SLC39A10: variants seen among roughly 807,000 people sequenced by gnomAD.
SLC39A10 encodes the protein zinc transporter ZIP10.
In SLC39A10, 13 loss-of-function variants were observed where a neutral mutation model predicts 65.1. The observed-to-expected ratio is 0.20, with a 90% confidence interval of 0.13 to 0.32. The LOEUF (loss-of-function observed/expected upper bound fraction) is 0.32. Ranked by LOEUF, SLC39A10 falls within the 10% of genes least tolerant of loss-of-function variation. The pLI is 1.00. For missense variants in SLC39A10, 831 were observed against 1,018.4 expected, an observed-to-expected ratio of 0.82 and a Z score of 2.50; for synonymous variants, 321 against 342.2, an observed-to-expected ratio of 0.94 and a Z score of 0.68.
chr2:195,715,780 AT>A (rs1691785722), intron 6 of SLC39A10, among the ~76,000 whole-genome samples: 1 of 152,248 alleles, frequency 6.6e-6, no homozygotes, highest in South Asian at 2.1e-4. Flanking sequence ...AGAAAAACTT[AT>A]CTATTTGTGT....
chr2:195,714,093 AT>A (rs1276308018), intron 6 of SLC39A10, among the ~76,000 whole-genome samples: 1 of 151,892 alleles, frequency 6.6e-6, no homozygotes, highest in African/African-American at 2.4e-5. Flanking sequence ...CGCCTGGCTA[AT>A]TTTTTTCTTT....
At chr2:195,625,187 A>C (rs1688441418) in intron 2 of SLC39A10, among the ~76,000 whole-genome samples, 1 of 126,188 alleles carries the variant, frequency 7.9e-6, no homozygotes, top group African/African-American at 2.8e-5. Flanking sequence ...ATTGCACTCC[A>C]GCCTGTGCGA....
At chr2:195,681,608 A>G (rs2105772458) in intron 2 of SLC39A10, among the ~76,000 whole-genome samples, 1 of 152,338 alleles carries the variant, frequency 6.6e-6, no homozygotes, top group African/African-American at 2.4e-5. Flanking sequence ...TGGTTTCCTC[A>G]AATCCAAACG....
At chr2:195,672,700 T>C (rs1179331489) in intron 1 of SLC39A10, among the ~76,000 whole-genome samples, 4 of 152,220 alleles carry the variant, frequency 2.6e-5, no homozygotes, top group Non-Finnish European at 4.4e-5. Context: ...CTACAGCTTT[T>C]GTGTTTCGTG....
chr2:195,657,046 T>C (rs1279624537), upstream of SLC39A10: 2 of 152,304 alleles, frequency 1.3e-5, no homozygotes, highest in African/African-American at 2.4e-5. Flanking sequence ...ACTGGCGTTA[T>C]CCGAAGTGAA....
At chr2:195,721,071 A>T (rs141546201) in intron 8 of SLC39A10, among the ~76,000 whole-genome samples, 2 of 152,040 alleles carry the variant, frequency 1.3e-5, no homozygotes, top group Non-Finnish European at 2.9e-5. Context: ...CCTCCTGAGT[A>T]GCTGGGACTA....
intron 9 of SLC39A10, among the ~76,000 whole-genome samples, chr2:195,732,188 G>A (rs1445058498): frequency 6.6e-6 from 1 of 152,178 alleles, no homozygotes; most frequent in African/African-American, 2.4e-5. Flanking sequence ...GTAAACTTTG[G>A]AGAGCCATGA....
At chr2:195,734,795 C>T (rs2105854604) in intron 9 of SLC39A10, 88 bp from the exon 10 acceptor site, 1 of 1,290,994 alleles carries the variant, frequency 7.7e-7, no homozygotes, top group Non-Finnish European at 1.1e-6. Context: ...ACTTCAGTCA[C>T]TAATTTTCTT....
rs558497680 is a variant in SLC39A10, at chr2:195,672,472, A to G, written c.-11-7560A>G. Among the ~76,000 whole-genome samples, 7 of 152,278 alleles carry G rather than the reference A, an allele frequency of 4.6e-5. No individual in the cohort carries two copies. The South Asian group carries it at 1.5e-3, about 32-fold the overall frequency. ...AGCATACATCTGCTATAGTAGTTCTAAACTAAAGTTGCAAAGTTAGTGAAT... is the reference window on the plus strand; with the variant it reads ...AGCATACATCTGCTATAGTAGTTCTGAACTAAAGTTGCAAAGTTAGTGAAT... On this transcript the variant is annotated intron_variant, in intron 1 of 9. Transcript: ENST00000359634.
At chr2:195,697,314 T>A (rs981798063) in intron 3 of SLC39A10, among the ~76,000 whole-genome samples, 4 of 152,202 alleles carry the variant, frequency 2.6e-5, no homozygotes, top group African/African-American at 9.6e-5. Context: ...TAGAACTAAT[T>A]TCTGCAGATA....
intron 5 of SLC39A10, among the ~76,000 whole-genome samples, chr2:195,710,818 T>C (rs535992997): frequency 1.9e-4 from 29 of 152,248 alleles, no homozygotes; most frequent in African/African-American, 6.7e-4. Context: ...AGTATTTAGA[T>C]TTTGAAGGGG....
intron 8 of SLC39A10, among the ~76,000 whole-genome samples, chr2:195,722,520 A>G (rs758844673): frequency 2.0e-5 from 3 of 152,246 alleles, no homozygotes; most frequent in Non-Finnish European, 2.9e-5. Flanking sequence ...CAATAGGACC[A>G]GGTCAGTGTC....
chr2:195,706,502 C>A, intron 3 of SLC39A10, 114 bp from the exon 4 acceptor site: 1 of 944,464 alleles, frequency 1.1e-6, no homozygotes, highest in Non-Finnish European at 1.5e-6. Context: ...CTTTCATAAT[C>A]TGGGTAAAAT....
At position 195,706,599 on chromosome 2, in the gene SLC39A10, TA is replaced by T. The variant is rs761582721; in HGVS notation, c.1217-15del. 1 of 1,606,730 alleles carries T rather than the reference TA, an allele frequency of 6.2e-7. No individual in the cohort carries two copies. The highest frequency in any genetic ancestry group is 8.5e-7 in the Non-Finnish European group (1 of 1,176,492). ...AAATTGTTATACTAATGTTGACTCT[TA>T]ATTTCTTTTCTACAGCCTGGATTTG... On this transcript the variant is annotated splice_polypyrimidine_tract_variant and intron_variant, in intron 3 of 9. Coordinates refer to ENST00000359634, the MANE Select transcript of SLC39A10 (RefSeq NM_020342.3).
chr2:195,717,750 A>C (rs1691873315), intron 7 of SLC39A10, among the ~76,000 whole-genome samples: 1 of 152,182 alleles, frequency 6.6e-6, no homozygotes, highest in African/African-American at 2.4e-5. Context: ...AGAATAAATA[A>C]TTCTGCTAGT....
intron 2 of SLC39A10, among the ~76,000 whole-genome samples, chr2:195,641,550 T>TTA (rs1304941381): frequency 6.6e-6 from 1 of 152,228 alleles, no homozygotes; most frequent in Non-Finnish European, 1.5e-5. Flanking sequence ...ATGGGACTTT[T>TTA]TATATTCTTT....
At chr2:195,613,228 C>G (rs1232565999) in intron 2 of SLC39A10, among the ~76,000 whole-genome samples, 1 of 151,962 alleles carries the variant, frequency 6.6e-6, no homozygotes, top group African/African-American at 2.4e-5. Context: ...ATATTTCTTT[C>G]TCGGAGATGC....
intron 5 of SLC39A10, among the ~76,000 whole-genome samples, chr2:195,710,472 C>T (rs1691566254): frequency 6.6e-6 from 1 of 152,116 alleles, no homozygotes; most frequent in Non-Finnish European, 1.5e-5. Flanking sequence ...GTTTTGTTTG[C>T]ATATGTGTGT....
At chr2:195,655,574 T>C (rs1307336355), upstream of SLC39A10, among the ~76,000 whole-genome samples, 1 of 152,230 alleles carries the variant, frequency 6.6e-6, no homozygotes, top group Admixed American at 6.5e-5. Context: ...ACTTTAGTTC[T>C]AGGATGAACC....
Sources: gnomAD v4.1 joint callset for allele counts (sites outside exome capture counted in the v4.1 genomes callset) on GRCh38, gnomAD v4.1.1 for gene constraint, MANE v1.5 for transcripts, NCBI Gene and HGNC (gene_info 2026-07-23, HGNC 2026-07-21) for gene names.